SGCZ: variants seen among roughly 807,000 people sequenced by gnomAD.
SGCZ encodes the protein sarcoglycan zeta, also known as zeta-sarcoglycan.
In SGCZ, 40 loss-of-function variants were observed where a neutral mutation model predicts 41.3. That is an observed-to-expected ratio of 0.97 (90% CI 0.75 to 1.26). The LOEUF (loss-of-function observed/expected upper bound fraction) is 1.26. SGCZ is among the 50% of genes most tolerant of loss of function. The pLI is 0.00. For synonymous variants in SGCZ, 206 were observed against 137.5 expected, an observed-to-expected ratio of 1.50 and a Z score of -3.49; for missense variants, 552 against 369.8, an observed-to-expected ratio of 1.49 and a Z score of -4.04.
intron 1 of SGCZ, among the ~76,000 whole-genome samples, chr8:14,905,865 A>G (rs968129483): frequency 2.0e-5 from 3 of 152,096 alleles, no homozygotes; most frequent in African/African-American, 7.2e-5. Flanking sequence ...GGAAAACAAT[A>G]TATATTTATA....
intron 2 of SGCZ, among the ~76,000 whole-genome samples, chr8:14,447,224 C>G (rs976398544): frequency 3.9e-5 from 6 of 152,130 alleles, no homozygotes; most frequent in African/African-American, 1.4e-4. Flanking sequence ...TATTGCAGTT[C>G]ACACATTTAT....
intron 2 of SGCZ, among the ~76,000 whole-genome samples, chr8:14,477,906 C>CTGGAGATTT (rs1384855085): frequency 6.6e-6 from 1 of 152,162 alleles, no homozygotes; most frequent in East Asian, 1.9e-4. Context: ...CTTTTATCTT[C>CTGGAGATTT]TGGAGATTTT....
At chr8:14,959,409 G>T (rs1204049451) in intron 1 of SGCZ, among the ~76,000 whole-genome samples, 1 of 152,046 alleles carries the variant, frequency 6.6e-6, no homozygotes, top group East Asian at 1.9e-4. Context: ...ACTAATCCAT[G>T]GATATCGTAC....
chr8:14,806,709 G>A (rs1168028295), intron 1 of SGCZ, among the ~76,000 whole-genome samples: 1 of 152,106 alleles, frequency 6.6e-6, no homozygotes, highest in African/African-American at 2.4e-5. Context: ...GAAAAAGAGG[G>A]ACTCCTCCCT....
At chr8:14,955,087 C>G (rs930343087) in intron 1 of SGCZ, among the ~76,000 whole-genome samples, 1 of 152,030 alleles carries the variant, frequency 6.6e-6, no homozygotes, top group African/African-American at 2.4e-5. Context: ...CCACCTTCTC[C>G]TTTTTTCTTC....
chr8:14,257,018 T>C (rs1799488497), intron 3 of SGCZ, among the ~76,000 whole-genome samples: 1 of 152,118 alleles, frequency 6.6e-6, no homozygotes, highest in African/African-American at 2.4e-5. Context: ...TTTAGGGTGA[T>C]ACAATATTAA....
chr8:14,245,610 T>C (rs1585273859), intron 3 of SGCZ, among the ~76,000 whole-genome samples: 1 of 152,094 alleles, frequency 6.6e-6, no homozygotes, highest in East Asian at 1.9e-4. Flanking sequence ...CTAATTAAAC[T>C]AAAGAGCTTC....
intron 3 of SGCZ, among the ~76,000 whole-genome samples, chr8:14,245,021 C>T (rs1223106041): frequency 1.3e-5 from 2 of 152,144 alleles, no homozygotes; most frequent in African/African-American, 2.4e-5. Flanking sequence ...TCTCAGTATA[C>T]AATCATGTCA....
intron 1 of SGCZ, among the ~76,000 whole-genome samples, chr8:15,177,020 A>G (rs1005449695): frequency 6.6e-6 from 1 of 152,176 alleles, no homozygotes; most frequent in Admixed American, 6.5e-5. Context: ...AAAAAGAAAA[A>G]GAAAGAAAGA....
intron 1 of SGCZ, among the ~76,000 whole-genome samples, chr8:14,808,031 T>A (rs1390389099): frequency 1.3e-5 from 2 of 151,944 alleles, no homozygotes; most frequent in African/African-American, 2.4e-5. Context: ...TAGCCATATG[T>A]AGAAAGCTGA....
At chr8:14,200,304 C>T (rs1002369144) in intron 4 of SGCZ, among the ~76,000 whole-genome samples, 20 of 152,196 alleles carry the variant, frequency 1.3e-4, no homozygotes, top group African/African-American at 4.6e-4. Context: ...AGGTATAGTC[C>T]ATGCATTCTC....
intron 1 of SGCZ, among the ~76,000 whole-genome samples, chr8:14,803,467 A>G (rs1277823925): frequency 3.9e-5 from 6 of 152,166 alleles, no homozygotes. Context: ...AAGGGGTGAC[A>G]GACGGCACCT....
intron 4 of SGCZ, among the ~76,000 whole-genome samples, chr8:14,170,949 G>A (rs1247911511): frequency 1.3e-5 from 2 of 151,974 alleles, no homozygotes; most frequent in Non-Finnish European, 2.9e-5. Flanking sequence ...AGAAAAAAAG[G>A]ATAATAATCC....
chr8:14,688,846 T>C (rs113495509), intron 1 of SGCZ, among the ~76,000 whole-genome samples: 10,340 of 152,118 alleles, frequency 0.068, 547 homozygotes, highest in East Asian at 0.17. Context: ...GACGACATGA[T>C]TGTATATCTA....
intron 1 of SGCZ, among the ~76,000 whole-genome samples, chr8:14,640,832 T>C (rs972688219): frequency 1.3e-5 from 2 of 151,678 alleles, no homozygotes; most frequent in Admixed American, 6.6e-5. Context: ...CTGGAGCCCC[T>C]GCAAGTTCTG....
chr8:14,338,245 T>C (rs1388863224), intron 2 of SGCZ, among the ~76,000 whole-genome samples: 2 of 152,200 alleles, frequency 1.3e-5, no homozygotes, highest in Non-Finnish European at 2.9e-5. Context: ...AGCTGGGTCA[T>C]GCCACAAGAT....
chr8:14,772,598 T>C (rs1800279937), intron 1 of SGCZ, among the ~76,000 whole-genome samples: 1 of 104,898 alleles, frequency 9.5e-6, no homozygotes, highest in Non-Finnish European at 1.8e-5. Flanking sequence ...CCCACAACAA[T>C]CCCCAGAGTG....
chr8:15,005,488 C>T (rs971647259), intron 1 of SGCZ, among the ~76,000 whole-genome samples: 1 of 152,032 alleles, frequency 6.6e-6, no homozygotes, highest in East Asian at 1.9e-4. Context: ...TGCGCCACCA[C>T]TCCCAGCTAA....
At chr8:14,238,466 T>G (rs1806847648) in intron 3 of SGCZ, among the ~76,000 whole-genome samples, 1 of 152,242 alleles carries the variant, frequency 6.6e-6, no homozygotes, top group Admixed American at 6.5e-5. Flanking sequence ...CAATATCTGA[T>G]TTTTGTAAAT....
Sources: gnomAD v4.1 joint callset for allele counts (sites outside exome capture counted in the v4.1 genomes callset) on GRCh38, gnomAD v4.1.1 for gene constraint, MANE v1.5 for transcripts, NCBI Gene and HGNC (gene_info 2026-07-23, HGNC 2026-07-21) for gene names.